Variants in PDPK1 observed in about 807,000 individuals in gnomAD.
PDPK1 encodes the protein 3-phosphoinositide-dependent protein kinase 1.
Under a neutral mutation model 39.8 loss-of-function variants are expected in PDPK1, and 7 were observed. That is an observed-to-expected ratio of 0.18 (90% CI 0.10 to 0.33). PDPK1 has a LOEUF of 0.33. Among genes scored for constraint, PDPK1 ranks in the 10% least tolerant of loss-of-function variants. The pLI, the probability that PDPK1 is intolerant of heterozygous loss-of-function variation, is 1.00. For missense variants in PDPK1, 182 were observed against 384.7 expected, an observed-to-expected ratio of 0.47 and a Z score of 4.41; for synonymous variants, 118 against 159.1, an observed-to-expected ratio of 0.74 and a Z score of 1.95.
At position 2,600,943 on chromosome 16, in the gene PDPK1, A is replaced by G. The variant is rs1321915420; in HGVS notation, c.*3176A>G. ...GATATTTTAAGCATTTTCCCATGTC[A>G]TGAGTTTCTCAGAAACATGTTTTTA... On this transcript the variant is annotated 3_prime_UTR_variant, in exon 14 of 14. Coordinates refer to ENST00000342085, the MANE Select transcript of PDPK1 (RefSeq NM_002613.5). The G allele has an allele frequency of 4.4e-6, 1 of 226,990 alleles. No homozygotes were observed. Among genetic ancestry groups the G allele is most frequent in the East Asian group, 6.2e-5 (1 of 16,136 alleles). 14.1% of individuals were successfully genotyped at this position (226,990 alleles called of 1,614,324 possible). A position where few individuals can be genotyped will look rare whatever the true frequency, so the allele number is the denominator to read the frequency against.
Position 2,538,102 on chromosome 16 carries a change from A to C in PDPK1, c.-11A>C. 1.9e-6 allele frequency: 2 copies of C among 1,057,852 alleles called. No homozygotes were observed. Among genetic ancestry groups the C allele is most frequent in the Non-Finnish European group, 2.3e-6 (2 of 875,970 alleles). 65.5% of individuals were successfully genotyped at this position (1,057,852 alleles called of 1,614,324 possible). A position where few individuals can be genotyped will look rare whatever the true frequency, so the allele number is the denominator to read the frequency against. On this transcript the variant is annotated 5_prime_UTR_variant, in exon 1 of 14. Transcript: ENST00000342085. ...CGCTGCGGGGGAGGCGCCCGCGCCG[A>C]CGCGGGGCCCATGGCCAGGACCACC...
At chr16:2,542,307 G>A (rs1400707877) in intron 1 of PDPK1, among the ~76,000 whole-genome samples, 7 of 152,028 alleles carry the variant, frequency 4.6e-5, no homozygotes, top group Non-Finnish European at 7.4e-5. Flanking sequence ...TTACAGGTGC[G>A]CACCACCTAC....
rs1221021888 is a variant in PDPK1 at position 2,598,175 on chromosome 16, G to C, written c.*408G>C. 2.0e-5 allele frequency: 5 copies of C among 246,564 alleles called. No homozygotes were observed. Among genetic ancestry groups the C allele is most frequent in the Non-Finnish European group, 3.9e-5 (5 of 126,906 alleles). The allele number at this position is 246,564 out of a possible 1,614,324, so 15.3% of individuals were successfully genotyped here. ...TGTGCTGGTCCTGCTGTGGCCGAGG[G>C]GACCGGGTGTGTTTGGCTCTTTATG... is the stretch of plus-strand genomic sequence containing the variant. On this transcript the variant is annotated 3_prime_UTR_variant, in exon 14 of 14. Transcript: ENST00000342085.
intron 1 of PDPK1, among the ~76,000 whole-genome samples, chr16:2,552,086 A>G (rs113627991): frequency 0.024 from 3,679 of 151,320 alleles, 159 homozygotes; most frequent in African/African-American, 0.082. Flanking sequence ...CTCCTGCCTC[A>G]GCCTCACAGG....
In PDPK1 at chr16:2,538,131, C is replaced by A. The variant is rs2066170916; in HGVS notation, c.19C>A (p.Gln7Lys). The change falls in exon 1 of 14, where the codon CAG (glutamine) becomes AAG (lysine). Residue 7 changes from glutamine to lysine, a missense_variant. Physicochemically the swap from Gln to Lys is moderately conservative, Grantham distance 53. Coordinates refer to ENST00000342085, the MANE Select transcript of PDPK1 (RefSeq NM_002613.5). ...GGGGCCCATGGCCAGGACCACCAGC[C>A]AGCTGGTGAGCGCGCGGCGGCGGAC... MARTTS[Q>K]LYDAVPIQSS... 2.8e-6 allele frequency: 3 copies of A among 1,064,652 alleles called. No homozygotes were observed. Among genetic ancestry groups the A allele is most frequent in the African/African-American group, 1.7e-5 (1 of 58,512 alleles). The allele number at this position is 1,064,652 out of a possible 1,614,324, so 66.0% of individuals were successfully genotyped here. A position where few individuals can be genotyped will look rare whatever the true frequency, so the allele number is the denominator to read the frequency against.
intron 10 of PDPK1, among the ~76,000 whole-genome samples, chr16:2,584,829 T>C (rs74003032): frequency 0.021 from 3,249 of 152,228 alleles, 126 homozygotes; most frequent in African/African-American, 0.074. Context: ...TCTGTGCCGC[T>C]TGATGTGGCC....
At position 2,594,984 on chromosome 16, in the gene PDPK1, A is replaced by G. The variant is rs1315027009; in HGVS notation, c.1344-809A>G. ...AAGATACAAAAAAAATTAGCTGGGC[A>G]TGGTGGTGTATGCCAGTGGTCCCAG... On this transcript the variant is annotated intron_variant, in intron 11 of 13. Coordinates refer to ENST00000342085, the MANE Select transcript of PDPK1 (RefSeq NM_002613.5). Among the ~76,000 whole-genome samples, 10 of 152,240 alleles carry G rather than the reference A, an allele frequency of 6.6e-5. No homozygotes were observed. The South Asian group carries it at 1.5e-3, about 22-fold the overall frequency.
At chr16:2,551,792 G>A (rs1449645969) in intron 1 of PDPK1, among the ~76,000 whole-genome samples, 3 of 149,990 alleles carry the variant, frequency 2.0e-5, no homozygotes, top group South Asian at 2.2e-4. Context: ...TCAGCCTCCC[G>A]AGTAGCTGGG....
At position 2,602,386 on chromosome 16, in the gene PDPK1, G is replaced by C. The variant is rs919259677; in HGVS notation, c.*4619G>C. 6.4e-5 allele frequency: 15 copies of C among 235,136 alleles called. 2 individuals are homozygous for C. Among genetic ancestry groups the C allele is most frequent in the African/African-American group, 3.3e-4 (15 of 45,468 alleles). 14.6% of individuals were successfully genotyped at this position (235,136 alleles called of 1,614,324 possible). A position where few individuals can be genotyped will look rare whatever the true frequency, so the allele number is the denominator to read the frequency against. On this transcript the variant is annotated 3_prime_UTR_variant, in exon 14 of 14. Transcript: ENST00000342085. ...AACAAAGAGCACTTTCATCTGTTGA[G>C]ATGGCTGTGGTGAGCAACTGAACGA...
At chr16:2,545,526 G>T (rs1444989235) in intron 1 of PDPK1, among the ~76,000 whole-genome samples, 3 of 151,820 alleles carry the variant, frequency 2.0e-5, no homozygotes, top group African/African-American at 7.3e-5. Flanking sequence ...ACGGAGTCTG[G>T]CTCTGTTCCC....
rs988556206 is a variant in PDPK1, at chr16:2,593,120, C to T, written c.1344-2673C>T. On this transcript the variant is annotated intron_variant, in intron 11 of 13. Transcript: ENST00000342085. This position sits in a 1 kb window ranked among gnomAD's most constrained non-coding sequence, Gnocchi z 4.2. ...TGAGTCCTCCCCAGGCTGCAGGTGC[C>T]GAGCGGGAGCACCACTCCTGCACGC... 5 of 455,014 alleles carry T rather than the reference C, an allele frequency of 1.1e-5. No homozygotes were observed. Among genetic ancestry groups the T allele is most frequent in the East Asian group, 6.9e-5 (1 of 14,396 alleles). The allele number at this position is 455,014 out of a possible 1,614,324, so 28.2% of individuals were successfully genotyped here.
intron 11 of PDPK1, among the ~76,000 whole-genome samples, chr16:2,589,285 A>T (rs555341847): frequency 6.6e-6 from 1 of 152,136 alleles, no homozygotes; most frequent in Admixed American, 6.6e-5. Flanking sequence ...TTAATATTCA[A>T]TATTTCTACT....
intron 11 of PDPK1, among the ~76,000 whole-genome samples, chr16:2,590,276 C>T (rs908146218): frequency 2.0e-5 from 3 of 152,094 alleles, no homozygotes; most frequent in African/African-American, 7.2e-5. Flanking sequence ...TGTGTGCCAC[C>T]GTGCCTGGCT....
intron 1 of PDPK1, among the ~76,000 whole-genome samples, chr16:2,550,044 GTGTGACCTCAC>G (rs1262333577): frequency 7.3e-6 from 1 of 136,838 alleles, no homozygotes; most frequent in Non-Finnish European, 1.6e-5. Context: ...TCAGAATTGC[GTGTGACCTCAC>G]TGTGGAGTGT....
chr16:2,542,468 T>C (rs1941298507), intron 1 of PDPK1, among the ~76,000 whole-genome samples: 2 of 152,284 alleles, frequency 1.3e-5, no homozygotes, highest in South Asian at 4.2e-4. Context: ...CTGGTTTCTG[T>C]TTAAAGAGTT....
Position 2,597,668 on chromosome 16 carries a change from T to C in PDPK1, c.1572T>C (p.Tyr524=), listed in dbSNP as rs1324770092. ...CTTCGCAGCCTAACAGGACGTATTA[T>C]CTGATGGACCCCAGCGGGAACGCAC... ...FFVHTPNRTY[Y]LMDPSGNAHK... Residue 524 remains tyrosine, a synonymous_variant, in exon 14 of 14, where the codon TAT becomes TAC. Coordinates refer to ENST00000342085, the MANE Select transcript of PDPK1 (RefSeq NM_002613.5). This position sits in a 1 kb window ranked among gnomAD's most constrained non-coding sequence, Gnocchi z 6.3. The C allele has an allele frequency of 8.1e-6, 13 of 1,613,648 alleles. No homozygotes were observed. Among genetic ancestry groups the C allele is most frequent in the Non-Finnish European group, 1.1e-5 (13 of 1,179,658 alleles).
rs566501788 is a variant in PDPK1, at chr16:2,600,980, A to G, written c.*3213A>G. On this transcript the variant is annotated 3_prime_UTR_variant, in exon 14 of 14. Coordinates refer to ENST00000342085, the MANE Select transcript of PDPK1 (RefSeq NM_002613.5). ...GAAACATGTTTTTAACAATTGTACTATTTAGTCATTGTCCATTTACTATAA... is the reference window on the plus strand; with the variant it reads ...GAAACATGTTTTTAACAATTGTACTGTTTAGTCATTGTCCATTTACTATAA... 4.3e-6 allele frequency: 1 copy of G among 230,624 alleles called. No homozygotes were observed. The highest frequency in any genetic ancestry group is 8.5e-6 in the Non-Finnish European group (1 of 117,430). The allele number at this position is 230,624 out of a possible 1,614,324, so 14.3% of individuals were successfully genotyped here. A position where few individuals can be genotyped will look rare whatever the true frequency, so the allele number is the denominator to read the frequency against.
At chr16:2,541,621 G>T (rs887972537) in intron 1 of PDPK1, among the ~76,000 whole-genome samples, 1 of 152,180 alleles carries the variant, frequency 6.6e-6, no homozygotes, top group African/African-American at 2.4e-5. Context: ...CACACCTGCT[G>T]TGCGATGACA....
chr16:2,540,263 G>A (rs1326631083), intron 1 of PDPK1, among the ~76,000 whole-genome samples: 1 of 152,218 alleles, frequency 6.6e-6, no homozygotes, highest in Non-Finnish European at 1.5e-5. Context: ...GGAGCAGTGC[G>A]AGCGTGAAGG....
Sources: gnomAD v4.1 joint callset for allele counts (sites outside exome capture counted in the v4.1 genomes callset) on GRCh38, gnomAD v4.1.1 for gene constraint, Gnocchi (gnomAD v3.1) non-coding constraint, MANE v1.5 for transcripts, NCBI Gene and HGNC (gene_info 2026-07-23, HGNC 2026-07-21) for gene names.